Variants in PCDHA10 observed in about 807,000 individuals in gnomAD.
PCDHA10 encodes the protein protocadherin alpha-10.
PCDHA10 carries 45 observed loss-of-function variants against 61.2 expected under a neutral mutation model. That is an observed-to-expected ratio of 0.74 (90% CI 0.58 to 0.94). The LOEUF (loss-of-function observed/expected upper bound fraction) is 0.94, where lower values mean the gene tolerates loss of function less well. Among genes scored for constraint, PCDHA10 ranks in the 40% least tolerant of loss-of-function variants. The pLI is 0.00. For synonymous variants in PCDHA10, 602 were observed against 548.8 expected, an observed-to-expected ratio of 1.10 and a Z score of -1.35; for missense variants, 1,278 against 1,236.2, an observed-to-expected ratio of 1.03 and a Z score of -0.51.
Position 140,881,064 on chromosome 5 carries a change from T to C in PCDHA10, c.2388+22628T>C, listed in dbSNP as rs191524582. On this transcript the variant is annotated intron_variant, in intron 1 of 3. Transcript: ENST00000307360. ...AGAGTTGTGCACAGAACAGGCCAGA[T>C]AATTATTGGAGCTATGATATATTTT... Among the ~76,000 whole-genome samples, 392 of 152,302 alleles carry C rather than the reference T, an allele frequency of 2.6e-3. 1 individual carries two copies. The highest frequency in any genetic ancestry group is 9.1e-3 in the African/African-American group (379 of 41,556).
chr5:140,971,165 G>C (rs1390176241), intron 1 of PCDHA10, among the ~76,000 whole-genome samples: 1 of 152,136 alleles, frequency 6.6e-6, no homozygotes, highest in Non-Finnish European at 1.5e-5. Context: ...GCTCAGCTTT[G>C]CCACCAGCTG....
At chr5:140,986,862 G>A (rs1441287999) in intron 3 of PCDHA10, among the ~76,000 whole-genome samples, 2 of 152,068 alleles carry the variant, frequency 1.3e-5, no homozygotes, top group East Asian at 1.9e-4. Flanking sequence ...AACAATACCC[G>A]GAAACTTGTT....
chr5:140,932,042 A>G (rs1419099942), intron 1 of PCDHA10, among the ~76,000 whole-genome samples: 1 of 151,970 alleles, frequency 6.6e-6, no homozygotes, highest in Non-Finnish European at 1.5e-5. Flanking sequence ...ATATTAACAT[A>G]GCCTGTAATA....
chr5:140,950,605 A>T (rs1199751655), intron 1 of PCDHA10, among the ~76,000 whole-genome samples: 1 of 151,926 alleles, frequency 6.6e-6, no homozygotes, highest in Non-Finnish European at 1.5e-5. Flanking sequence ...TTTGACTATG[A>T]TGTGCTTATT....
At chr5:140,913,749 G>T (rs1166280044) in intron 1 of PCDHA10, among the ~76,000 whole-genome samples, 22 of 152,098 alleles carry the variant, frequency 1.4e-4, no homozygotes, top group Middle Eastern at 3.4e-3. Context: ...TCCTTTTGTT[G>T]TATCTCATAG....
chr5:140,978,820 T>C (rs2096824926), intron 1 of PCDHA10, 129 bp from the exon 2 acceptor site: 1 of 1,517,496 alleles, frequency 6.6e-7, no homozygotes, highest in East Asian at 2.4e-5. Context: ...GAGTTACACA[T>C]GAAATGGCTC....
At chr5:140,984,784 A>G (rs1022121650) in intron 3 of PCDHA10, among the ~76,000 whole-genome samples, 4 of 152,168 alleles carry the variant, frequency 2.6e-5, no homozygotes, top group Non-Finnish European at 4.4e-5. Context: ...TTGCTGGGTG[A>G]GCATAGACAA....
intron 1 of PCDHA10, chr5:140,877,685 C>A (rs377753884): frequency 1.2e-6 from 2 of 1,613,628 alleles, no homozygotes; most frequent in Non-Finnish European, 1.7e-6. Context: ...GGCAAGCCCA[C>A]GCTGGTGTGC....
intron 1 of PCDHA10, among the ~76,000 whole-genome samples, chr5:140,879,868 A>G (rs544274525): frequency 2.0e-5 from 3 of 152,222 alleles, no homozygotes; most frequent in Middle Eastern, 3.4e-3. Context: ...CTCAGCTTTC[A>G]TGGTCACATT....
intron 1 of PCDHA10, among the ~76,000 whole-genome samples, chr5:140,905,859 A>T (rs2072155643): frequency 1.3e-5 from 2 of 152,192 alleles, no homozygotes; most frequent in Non-Finnish European, 2.9e-5. Context: ...GTATTAACTC[A>T]CACAATCACA....
chr5:140,864,333 AGT>A (rs1554158793), intron 1 of PCDHA10: 2 of 152,182 alleles, frequency 1.3e-5, no homozygotes, highest in African/African-American at 4.8e-5. Flanking sequence ...TAATTATTTG[AGT>A]TTAAAACATG....
At chr5:140,870,638 A>G in intron 1 of PCDHA10, 1 of 1,612,842 alleles carries the variant, frequency 6.2e-7, no homozygotes, top group East Asian at 2.2e-5. Flanking sequence ...GTGCACGCGG[A>G]GAGCGGCAAG....
chr5:140,887,242 G>A (rs1445154638), intron 1 of PCDHA10, among the ~76,000 whole-genome samples: 2 of 151,722 alleles, frequency 1.3e-5, no homozygotes, highest in African/African-American at 4.8e-5. Flanking sequence ...GACTACCGGC[G>A]CCCGCCACCA....
intron 1 of PCDHA10, among the ~76,000 whole-genome samples, chr5:140,898,923 T>G (rs2067045385): frequency 6.6e-6 from 1 of 152,144 alleles, no homozygotes; most frequent in South Asian, 2.1e-4. Flanking sequence ...GTAAGTTGGA[T>G]TCCTAAGTAT....
At chr5:140,946,456 G>A (rs1554217589) in intron 1 of PCDHA10, among the ~76,000 whole-genome samples, 1 of 151,574 alleles carries the variant, frequency 6.6e-6, no homozygotes, top group African/African-American at 2.4e-5. Flanking sequence ...CAACTATCCA[G>A]CAATCCCACT....
intron 1 of PCDHA10, chr5:140,928,615 A>T: frequency 6.2e-7 from 1 of 1,614,276 alleles, no homozygotes. Flanking sequence ...CCGCTCTGCC[A>T]GGACTGGACA....
In PCDHA10 at chr5:140,982,326, G is replaced by T. The variant is rs1369721700; in HGVS notation, c.2448-149G>T. 1.6e-5 allele frequency: 22 copies of T among 1,411,958 alleles called. No homozygotes were observed. In the Admixed American group the frequency reaches 3.0e-4, roughly 20 times the overall value. The allele number at this position is 1,411,958 out of a possible 1,614,324, so 87.5% of individuals were successfully genotyped here. On this transcript the variant is annotated intron_variant, in intron 2 of 3. Transcript: ENST00000307360. ...CTTCTGCAGTTTATGCAGGGTGACTGCTCAGCAGTAATTGCTTCAGTTCAA... is the reference window on the plus strand; with the variant it reads ...CTTCTGCAGTTTATGCAGGGTGACTTCTCAGCAGTAATTGCTTCAGTTCAA...
In PCDHA10 at chr5:140,857,247, A is replaced by T. The variant is rs140390466; in HGVS notation, c.1199A>T (p.Tyr400Phe). 1.3e-4 allele frequency: 206 copies of T among 1,598,558 alleles called. 15 individuals carry two copies. The African/African-American group carries it at 2.2e-3, about 17-fold the overall frequency. Residue 400 changes from tyrosine to phenylalanine, a missense_variant, in exon 1 of 4, where the codon TAC becomes TTC. By Grantham distance (22) the Tyr-to-Phe change is conservative (BLOSUM62 3). Transcript: ENST00000307360. The stretch of plus-strand genomic sequence containing the variant: ...GTTCCGTTCAAGCTGGTGTCCACCT[A>T]CAAGAATTACTACTCATTGGTGCTG... ...PHVPFKLVST[Y>F]KNYYSLVLDS...
At chr5:140,863,314 T>A in intron 1 of PCDHA10, 1 of 1,458,118 alleles carries the variant, frequency 6.9e-7, no homozygotes, top group Non-Finnish European at 9.3e-7. Context: ...CTGCGTGGTG[T>A]CCAGCCTGTT....
Sources: gnomAD v4.1 joint callset for allele counts (sites outside exome capture counted in the v4.1 genomes callset) on GRCh38, gnomAD v4.1.1 for gene constraint, MANE v1.5 for transcripts, NCBI Gene and HGNC (gene_info 2026-07-23, HGNC 2026-07-21) for gene names.